RAD51B: variants seen among roughly 807,000 people sequenced by gnomAD.
RAD51B encodes RAD51 paralog B.
In RAD51B, 38 loss-of-function variants were observed where a neutral mutation model predicts 42.2. The observed-to-expected ratio is 0.90, with a 90% confidence interval of 0.70 to 1.18. The LOEUF is 1.18. Among genes scored for constraint, RAD51B ranks in the 50% most tolerant of loss-of-function variants. The probability of loss-of-function intolerance (pLI) is 0.00; values close to 1 mark genes in which losing one functional copy is unlikely to be tolerated. For missense variants in RAD51B, 373 were observed against 400.7 expected (o/e 0.93, Z 0.59); for synonymous variants, 154 against 145.2 (o/e 1.06, Z -0.43).
chr14:68,072,079 A>ATATATATAAATATATATAAT (rs1566622978), intron 7 of RAD51B, among the ~76,000 whole-genome samples: 8 of 107,962 alleles, frequency 7.4e-5, no homozygotes, highest in Non-Finnish European at 1.3e-4. Context: ...AAATATATAA[A>ATATATATAAATATATATAAT]TATATATAAA....
chr14:67,903,276 ACTCT>A (rs1376620884), intron 7 of RAD51B, among the ~76,000 whole-genome samples: 2 of 151,950 alleles, frequency 1.3e-5, no homozygotes, highest in African/African-American at 2.4e-5. Context: ...TCTGAAAAAT[ACTCT>A]CTCTCAAAAT....
Position 68,205,696 on chromosome 14 carries a change from C to T in RAD51B, c.757-86188C>T, listed in dbSNP as rs191730931. ...CACATAACAGTCAAATACCTTTACC[C>T]ATATTCACCTGTTGCTAATATTTTA... On this transcript the variant is annotated intron_variant, in intron 7 of 10. Transcript: ENST00000471583. 1.8e-3 allele frequency among the ~76,000 whole-genome samples: 279 copies of T among 152,048 alleles called. 1 individual carries two copies. The highest frequency in any genetic ancestry group is 3.1e-3 in the Non-Finnish European group (209 of 67,968).
chr14:68,037,064 C>T (rs2076137023), intron 7 of RAD51B, among the ~76,000 whole-genome samples: 1 of 71,720 alleles, frequency 1.4e-5, no homozygotes, highest in Admixed American at 1.6e-4. Context: ...TCCTTCCTCC[C>T]TCCCTTCCTT....
intron 2 of RAD51B, 58 bp from the exon 3 acceptor site, chr14:67,825,406 A>T: frequency 8.1e-7 from 1 of 1,235,812 alleles, no homozygotes; most frequent in Non-Finnish European, 1.1e-6. Flanking sequence ...GTTTCCTTTT[A>T]ACTCTAGTAT....
At chr14:68,205,003 T>C (rs2079557651) in intron 7 of RAD51B, among the ~76,000 whole-genome samples, 1 of 152,174 alleles carries the variant, frequency 6.6e-6, no homozygotes, top group South Asian at 2.1e-4. Flanking sequence ...TTTACACTTA[T>C]GACAATAAAA....
chr14:68,409,520 G>T (rs1044689727), intron 8 of RAD51B, among the ~76,000 whole-genome samples: 8 of 152,278 alleles, frequency 5.3e-5, no homozygotes, highest in Admixed American at 5.2e-4. Context: ...GAAAACAAAG[G>T]CAGAAAAAGG....
At chr14:68,147,778 A>G (rs562930716) in intron 7 of RAD51B, among the ~76,000 whole-genome samples, 3 of 147,060 alleles carry the variant, frequency 2.0e-5, no homozygotes, top group South Asian at 2.2e-4. Flanking sequence ...GAAACATGGA[A>G]CCAAAAAAGA....
rs117605145 is a variant in RAD51B at position 68,322,626 on chromosome 14, G to A, written c.853+30646G>A. Among the ~76,000 whole-genome samples the A allele has an allele frequency of 9.1e-4, 138 of 152,298 alleles. No homozygotes were observed. The East Asian group carries it at 0.021, about 23-fold the overall frequency. On this transcript the variant is annotated intron_variant, in intron 8 of 10. Coordinates refer to ENST00000471583, the MANE Select transcript of RAD51B (RefSeq NM_133510.4). ...TTTTGATTGGCTGATTTGAGCTTTTGCAGATTAGGAAATAGTTGGCCTAGA... is the reference window on the plus strand; with the variant it reads ...TTTTGATTGGCTGATTTGAGCTTTTACAGATTAGGAAATAGTTGGCCTAGA...
intron 7 of RAD51B, among the ~76,000 whole-genome samples, chr14:67,912,394 G>A (rs1372769882): frequency 6.6e-6 from 1 of 152,132 alleles, no homozygotes; most frequent in Non-Finnish European, 1.5e-5. Flanking sequence ...ATGAAAATAT[G>A]TCTCTAATCC....
At chr14:68,126,645 G>T (rs558248785) in intron 7 of RAD51B, among the ~76,000 whole-genome samples, 1 of 152,186 alleles carries the variant, frequency 6.6e-6, no homozygotes, top group African/African-American at 2.4e-5. Context: ...TGCAGCATCT[G>T]TTCCATACCA....
chr14:68,315,054 C>A (rs905634893), intron 8 of RAD51B, among the ~76,000 whole-genome samples: 3 of 152,208 alleles, frequency 2.0e-5, no homozygotes, highest in Non-Finnish European at 4.4e-5. Context: ...TATTGTCAGT[C>A]CCTCATCCTG....
intron 4 of RAD51B, among the ~76,000 whole-genome samples, chr14:67,863,655 T>TA (rs35067050): frequency 2.6e-4 from 40 of 151,248 alleles, no homozygotes; most frequent in Middle Eastern, 3.4e-3. Flanking sequence ...CTCTCAATGT[T>TA]AAAAAAAAAG....
At chr14:68,339,958 T>A (rs1442373648) in intron 8 of RAD51B, among the ~76,000 whole-genome samples, 1 of 152,226 alleles carries the variant, frequency 6.6e-6, no homozygotes, top group Non-Finnish European at 1.5e-5. Context: ...TGTGACCATA[T>A]AATGATCTTT....
chr14:67,966,187 G>A (rs750961910), intron 7 of RAD51B, among the ~76,000 whole-genome samples: 2 of 152,134 alleles, frequency 1.3e-5, no homozygotes, highest in Non-Finnish European at 2.9e-5. Context: ...TGTTCCAAAG[G>A]TGTAAAGAAT....
chr14:68,472,726 AC>A (rs1226717268), intron 10 of RAD51B, among the ~76,000 whole-genome samples: 1 of 152,136 alleles, frequency 6.6e-6, no homozygotes, highest in African/African-American at 2.4e-5. Context: ...AGCTGGGGAG[AC>A]CAGGGCACCC....
chr14:68,204,660 A>C (rs575668530), intron 7 of RAD51B, among the ~76,000 whole-genome samples: 2 of 152,362 alleles, frequency 1.3e-5, no homozygotes, highest in Admixed American at 1.3e-4. Context: ...GTATGTCTCT[A>C]GTGTGTTTGT....
In RAD51B at chr14:67,825,498, A is replaced by G; in HGVS notation, c.119A>G (p.Lys40Arg). Residue 40 changes from lysine (K) to arginine (R), a missense_variant, in exon 3 of 11, where the codon AAG becomes AGG. Transcript: ENST00000471583. Reference sequence around the variant, plus strand: ...TGTCTTTCCCCACTGGAGCTTATGAAGGTGACTGGTCTGAGTTATCGAGGT... The same window carrying G: ...TGTCTTTCCCCACTGGAGCTTATGAGGGTGACTGGTCTGAGTTATCGAGGT... Reference protein sequence around the residue: ...FLCLSPLELMKVTGLSYRGVH... With the variant: ...FLCLSPLELMRVTGLSYRGVH... 2 of 1,613,732 alleles carry G rather than the reference A, an allele frequency of 1.2e-6. No homozygotes were observed. The highest frequency in any genetic ancestry group is 8.5e-7 in the Non-Finnish European group (1 of 1,179,794).
intron 7 of RAD51B, among the ~76,000 whole-genome samples, chr14:68,282,035 G>A (rs897477372): frequency 4.0e-5 from 6 of 151,222 alleles, no homozygotes; most frequent in African/African-American, 1.2e-4. Context: ...AGGCTGGAGT[G>A]CAATGGCGTG....
intron 10 of RAD51B, among the ~76,000 whole-genome samples, chr14:68,492,343 C>T (rs748845239): frequency 6.6e-5 from 10 of 152,210 alleles, no homozygotes; most frequent in Non-Finnish European, 8.8e-5. Context: ...TTCTCTGCTA[C>T]CATATAAGCC....
Sources: allele counts gnomAD v4.1 joint callset (sites outside exome capture counted in the v4.1 genomes callset), GRCh38; gene constraint gnomAD v4.1.1; transcripts MANE v1.5; gene names NCBI Gene and HGNC (gene_info 2026-07-23, HGNC 2026-07-21).